ATP12A: variants seen among roughly 807,000 people sequenced by gnomAD.
ATP12A encodes ATPase H+/K+ transporting non-gastric alpha2 subunit, also known as potassium-transporting ATPase alpha chain 2.
ATP12A carries 81 observed loss-of-function variants against 111.2 expected under a neutral mutation model. The ratio of observed to expected loss-of-function variants is 0.73; its 90% CI spans 0.61 to 0.88. The LOEUF (loss-of-function observed/expected upper bound fraction) is 0.88. ATP12A is among the 40% of genes least tolerant of loss of function. The probability of loss-of-function intolerance (pLI) is 0.00; values close to 1 mark genes in which losing one functional copy is unlikely to be tolerated. For synonymous variants in ATP12A, 498 were observed against 499.8 expected (o/e 1.00, Z 0.05); for missense variants, 1,196 against 1,313.1 (o/e 0.91, Z 1.38).
rs538623637 is a variant in ATP12A, at chr13:24,705,272, A to G, written c.2019-1041A>G. On this transcript the variant is annotated intron_variant, in intron 14 of 22. Coordinates refer to ENST00000381946, the MANE Select transcript of ATP12A (RefSeq NM_001676.7). ...GAGACCCGTGAAGGCCTTAGGGTAC[A>G]GGGGATGGAGGATGTCAGAACTGAG... Among the ~76,000 whole-genome samples, 118 of 152,324 alleles carry G rather than the reference A, an allele frequency of 7.7e-4. 1 individual carries two copies. The South Asian group carries it at 0.013, about 17-fold the overall frequency.
Position 24,709,411 on chromosome 13 carries a change from G to A in ATP12A, c.2541G>A (p.Met847Ile), listed in dbSNP as rs1369538817. ...ACGAGAAAGCTGAAAGTGACATCAT[G>A]AACAGGAAGCCTCGCCACAAGAATA... ...LAYEKAESDIMNRKPRHKNKD... is the reference protein window; with the variant it reads ...LAYEKAESDIINRKPRHKNKD... Residue 847 changes from methionine (M) to isoleucine (I), a missense_variant, in exon 18 of 23, where the codon ATG becomes ATA. By Grantham distance (10) the Met-to-Ile change is conservative. Around this residue, in one of 3 missense-constraint regions of ATP12A, gnomAD observed 1,126 missense variants for 1,228.5 expected, o/e 0.92. Coordinates refer to ENST00000381946, the MANE Select transcript of ATP12A (RefSeq NM_001676.7). The A allele has an allele frequency of 1.2e-6, 2 of 1,613,752 alleles. No individual in the cohort carries two copies. The highest frequency in any genetic ancestry group is 2.2e-5 in the East Asian group (1 of 44,876).
At position 24,706,342 on chromosome 13, in the gene ATP12A, T is replaced by C. The variant is rs753806985; in HGVS notation, c.2048T>C (p.Met683Thr). The C allele has an allele frequency of 1.2e-6, 2 of 1,614,226 alleles. No homozygotes were observed. The highest frequency in any genetic ancestry group is 1.1e-5 in the South Asian group (1 of 91,084). The change falls in exon 15 of 23, where the codon ATG (methionine) becomes ACG (threonine). Residue 683 changes from methionine to threonine, a missense_variant. Met to Thr is a moderately conservative substitution (Grantham distance 81). Transcript: ENST00000381946. ...RDAKAAVVTG[M>T]ELKDMSSEQL... The stretch of plus-strand genomic sequence containing the variant: ...GCCAAGGCCGCTGTGGTGACTGGCA[T>C]GGAGCTGAAGGACATGAGCTCAGAA...
intron 14 of ATP12A, 38 bp downstream of exon 14, chr13:24,702,109 T>G: frequency 1.9e-6 from 3 of 1,613,274 alleles, no homozygotes; most frequent in Non-Finnish European, 2.5e-6. Context: ...TTCCAGTTTA[T>G]ACCCATGGGG....
rs1389150941 is a variant in ATP12A, at chr13:24,680,451, C to T, written c.-293C>T. 3 of 424,266 alleles carry T rather than the reference C, an allele frequency of 7.1e-6. No homozygotes were observed. The highest frequency in any genetic ancestry group is 2.1e-5 in the African/African-American group (1 of 47,286). 26.3% of individuals were successfully genotyped at this position (424,266 alleles called of 1,614,324 possible). A position where few individuals can be genotyped will look rare whatever the true frequency, so the allele number is the denominator to read the frequency against. On this transcript the variant is annotated 5_prime_UTR_variant, in exon 1 of 23. Coordinates refer to ENST00000381946, the MANE Select transcript of ATP12A (RefSeq NM_001676.7). ...CGACCCCTAGCTGTCGGTCCCCCTC[C>T]CTGCGCGCGCGCCGGCGGGTTTCCT...
chr13:24,681,502 C>T, intron 1 of ATP12A, 60 bp from the exon 2 acceptor site: 1 of 1,576,388 alleles, frequency 6.3e-7, no homozygotes, highest in Non-Finnish European at 8.6e-7. Flanking sequence ...CAGAGGGGCG[C>T]TCAGCACCTC....
chr13:24,693,717 A>G (rs533233693), intron 10 of ATP12A, among the ~76,000 whole-genome samples: 3 of 152,294 alleles, frequency 2.0e-5, no homozygotes, highest in African/African-American at 7.2e-5. Context: ...TGATATAACC[A>G]TTCTATTTGT....
At chr13:24,686,479 G>A (rs1171464867) in intron 3 of ATP12A, among the ~76,000 whole-genome samples, 2 of 150,390 alleles carry the variant, frequency 1.3e-5, no homozygotes, top group East Asian at 3.9e-4. Flanking sequence ...GGTGGCTCAC[G>A]CCTGTAATCC....
chr13:24,685,476 G>A lies in ATP12A; in HGVS notation c.228+103G>A. The A allele has an allele frequency of 2.4e-6, 3 of 1,239,598 alleles. No homozygotes were observed. The highest frequency in any genetic ancestry group is 3.6e-6 in the Non-Finnish European group (3 of 844,478). 76.8% of individuals were successfully genotyped at this position (1,239,598 alleles called of 1,614,324 possible). ...GTGTGGAAGAGTAGCGGCACCTTTAGGAGGAGGGGCCCCTGCAGCGCCTTT... is the reference window on the plus strand; with the variant it reads ...GTGTGGAAGAGTAGCGGCACCTTTAAGAGGAGGGGCCCCTGCAGCGCCTTT... On this transcript the variant is annotated intron_variant, in intron 3 of 22. Transcript: ENST00000381946. This position sits in a 1 kb window ranked among gnomAD's most constrained non-coding sequence, Gnocchi z 5.5.
rs767971797 is a variant in ATP12A at position 24,694,414 on chromosome 13, C to A, written c.1378-30C>A. 258 of 1,611,458 alleles carry A rather than the reference C, an allele frequency of 1.6e-4. 1 individual carries two copies. The highest frequency in any genetic ancestry group is 2.0e-4 in the Non-Finnish European group (240 of 1,179,274). On this transcript the variant is annotated intron_variant, in intron 10 of 22. Coordinates refer to ENST00000381946, the MANE Select transcript of ATP12A (RefSeq NM_001676.7). ...GGCATGTTGGTTCATTAAATATGTG[C>A]TGCAAATATTTTTCTTCTTTGATTC...
chr13:24,682,312 A>T (rs1198349673), intron 2 of ATP12A, among the ~76,000 whole-genome samples: 1 of 81,850 alleles, frequency 1.2e-5, no homozygotes, highest in Non-Finnish European at 2.4e-5. Context: ...TGTGCATGGT[A>T]TGTGTGGTGT....
intron 1 of ATP12A, 30 bp downstream of exon 1, chr13:24,680,782 T>C: frequency 1.4e-6 from 2 of 1,480,798 alleles, no homozygotes; most frequent in Non-Finnish European, 1.8e-6. Context: ...CGGCCGAGGA[T>C]GCGAGACGCT....
chr13:24,690,841 T>C (rs1265353166), intron 7 of ATP12A, 120 bp downstream of exon 7: 3 of 1,448,098 alleles, frequency 2.1e-6, no homozygotes, highest in Non-Finnish European at 2.8e-6. Flanking sequence ...AGCATGGAAC[T>C]GAAGGGCCTA....
At chr13:24,708,152 T>G (rs572183433) in intron 17 of ATP12A, among the ~76,000 whole-genome samples, 1 of 152,288 alleles carries the variant, frequency 6.6e-6, no homozygotes, top group African/African-American at 2.4e-5. Flanking sequence ...GAGTCTGACA[T>G]GGAAGACCTT....
rs1875973644 is a variant in ATP12A at position 24,711,561 on chromosome 13, G to C, written c.*39G>C. 6.2e-7 allele frequency: 1 copy of C among 1,613,008 alleles called. No homozygotes were observed. The highest frequency in any genetic ancestry group is 8.5e-7 in the Non-Finnish European group (1 of 1,179,256). ...CCTATGTCTCTCAGCAGCACGTTGG[G>C]GCACACTTGTTCATCTTCTGACCGT... is the stretch of plus-strand genomic sequence containing the variant. On this transcript the variant is annotated 3_prime_UTR_variant, in exon 23 of 23. Coordinates refer to ENST00000381946, the MANE Select transcript of ATP12A (RefSeq NM_001676.7).
intron 13 of ATP12A, 128 bp downstream of exon 13, chr13:24,701,050 C>A: frequency 9.1e-7 from 1 of 1,097,962 alleles, no homozygotes; most frequent in Non-Finnish European, 1.3e-6. Flanking sequence ...TATTTTATTT[C>A]TAGTTTCACT....
At chr13:24,681,991 ATGGTGTG>A (rs1330282304) in intron 2 of ATP12A, among the ~76,000 whole-genome samples, 1 of 76,142 alleles carries the variant, frequency 1.3e-5, no homozygotes, top group African/African-American at 5.7e-5. Flanking sequence ...GTGTGTGTGT[ATGGTGTG>A]TGGTGTGTGT....
intron 18 of ATP12A, 88 bp from the exon 19 acceptor site, chr13:24,709,595 G>A: frequency 6.3e-7 from 1 of 1,594,302 alleles, no homozygotes; most frequent in Admixed American, 1.7e-5. Flanking sequence ...CCTGGGTTGG[G>A]GAGGGAGGGG....
chr13:24,690,987 G>A lies in ATP12A; in HGVS notation c.805G>A (p.Val269Ile), dbSNP rs757570495. The change falls in exon 8 of 23, where the codon GTC (valine) becomes ATC (isoleucine). Residue 269 changes from valine (V) to isoleucine (I), a missense_variant. By Grantham distance (29) the Val-to-Ile change is conservative. This residue lies in a region of ATP12A where 1,126 missense variants were observed against 1,228.5 expected (regional missense o/e 0.92). Coordinates refer to ENST00000381946, the MANE Select transcript of ATP12A (RefSeq NM_001676.7). ...AGCATCTACTTCCCCTGTAGGCACTGTCACCGGCATGGTTATCAACACGGG... is the reference window on the plus strand; with the variant it reads ...AGCATCTACTTCCCCTGTAGGCACTATCACCGGCATGGTTATCAACACGGG... ...FYSTTCLEGT[V>I]TGMVINTGDR... is the part of the protein sequence containing the mutation. 6.2e-7 allele frequency: 1 copy of A among 1,614,138 alleles called. No homozygotes were observed. Among genetic ancestry groups the A allele is most frequent in the South Asian group, 1.1e-5 (1 of 91,076 alleles).
chr13:24,692,528 TCGGA>T lies in ATP12A; in HGVS notation c.1170_1173del (p.Asp391ArgfsTer5), dbSNP rs557563746. 1,246 of 1,614,182 alleles carry T rather than the reference TCGGA, an allele frequency of 7.7e-4. 11 individuals are homozygous for T. In the African/African-American group the frequency reaches 0.014, roughly 18 times the overall value. ...CCTCGGCTCCACCTCCATCATCTGC[TCGGA>T]CAAGACTGGGACACTGACCCAGAAC... is the stretch of plus-strand genomic sequence containing the variant. On this transcript the variant is annotated frameshift_variant, in exon 9 of 23. Coordinates refer to ENST00000381946, the MANE Select transcript of ATP12A (RefSeq NM_001676.7). LOFTEE classifies it high-confidence loss of function.
Sources: allele counts gnomAD v4.1 joint callset (sites outside exome capture counted in the v4.1 genomes callset), GRCh38; gene constraint gnomAD v4.1.1; regional missense constraint gnomAD v4.1.1; non-coding constraint Gnocchi (gnomAD v3.1); transcripts MANE v1.5; gene names NCBI Gene and HGNC (gene_info 2026-07-23, HGNC 2026-07-21).